Variants in RPS6KC1 observed in about 807,000 individuals in gnomAD.
The protein encoded by RPS6KC1 is ribosomal protein S6 kinase C1.
Under a neutral mutation model 103.8 loss-of-function variants are expected in RPS6KC1, and 54 were observed. That is an observed-to-expected ratio of 0.52 (90% CI 0.42 to 0.65). The LOEUF is 0.65. RPS6KC1 is among the 30% of genes least tolerant of loss of function. The pLI is 0.00. For synonymous variants in RPS6KC1, 439 were observed against 438.7 expected (o/e 1.00, Z -0.01); for missense variants, 1,151 against 1,253.8 (o/e 0.92, Z 1.24).
the RPS6KC1 span, among the ~76,000 whole-genome samples, chr1:213,511,474 T>C: frequency 1.3e-5 from 2 of 152,314 alleles, no homozygotes. Flanking sequence ...TAAGTATCAC[T>C]TTGGAGTTCC....
At chr1:213,545,234 G>T in the RPS6KC1 span, among the ~76,000 whole-genome samples, 1 of 151,970 alleles carries the variant, frequency 6.6e-6, no homozygotes, top group Admixed American at 6.6e-5. Context: ...AACTGGGTGT[G>T]GTGATGGGCC....
At chr1:213,737,892 C>T in the RPS6KC1 span, among the ~76,000 whole-genome samples, 6 of 152,216 alleles carry the variant, frequency 3.9e-5, no homozygotes, top group African/African-American at 1.4e-4. Context: ...ATAAATAGGT[C>T]TCACATCTTG....
chr1:213,350,469 A>G, the RPS6KC1 span, among the ~76,000 whole-genome samples: 1 of 152,168 alleles, frequency 6.6e-6, no homozygotes, highest in South Asian at 2.1e-4. Context: ...TAGCATGTGC[A>G]TGACAGGTGG....
chr1:213,694,848 C>T, the RPS6KC1 span, among the ~76,000 whole-genome samples: 1 of 152,154 alleles, frequency 6.6e-6, no homozygotes, highest in Non-Finnish European at 1.5e-5. Context: ...ATTTGTTGAA[C>T]ATCTACTGCA....
At chr1:213,690,294 A>G in the RPS6KC1 span, among the ~76,000 whole-genome samples, 3 of 152,216 alleles carry the variant, frequency 2.0e-5, no homozygotes, top group African/African-American at 4.8e-5. Context: ...CTGCTGACCA[A>G]CTGACACTCT....
the RPS6KC1 span, among the ~76,000 whole-genome samples, chr1:213,415,068 C>T: frequency 2.6e-5 from 4 of 152,180 alleles, no homozygotes; most frequent in Non-Finnish European, 4.4e-5. Context: ...GCTTAATCAG[C>T]GAGTCATCCA....
chr1:213,215,197 C>T (rs909994901), intron 8 of RPS6KC1, among the ~76,000 whole-genome samples: 19 of 152,172 alleles, frequency 1.2e-4, no homozygotes, highest in Admixed American at 2.0e-4. Context: ...CCTGATGGAG[C>T]TGAAAACCAT....
chr1:213,780,412 T>C, the RPS6KC1 span, among the ~76,000 whole-genome samples: 2 of 152,150 alleles, frequency 1.3e-5, no homozygotes, highest in African/African-American at 2.4e-5. Flanking sequence ...TCTTCATCTA[T>C]AGGAGCTCTG....
At chr1:213,808,237 C>T in the RPS6KC1 span, among the ~76,000 whole-genome samples, 1 of 152,168 alleles carries the variant, frequency 6.6e-6, no homozygotes, top group African/African-American at 2.4e-5. Context: ...GGTCAGGGAC[C>T]CACTTGAGGA....
the RPS6KC1 span, among the ~76,000 whole-genome samples, chr1:213,659,527 G>A: frequency 2.0e-5 from 3 of 152,034 alleles, no homozygotes; most frequent in Admixed American, 6.5e-5. Context: ...TCATCATCAC[G>A]TACAACTAAG....
the RPS6KC1 span, among the ~76,000 whole-genome samples, chr1:213,470,014 C>G: frequency 5.3e-5 from 8 of 152,294 alleles, no homozygotes; most frequent in African/African-American, 1.9e-4. Flanking sequence ...TGGGTGACAA[C>G]CTGGGTGACA....
chr1:213,503,951 A>G, the RPS6KC1 span, among the ~76,000 whole-genome samples: 2 of 152,230 alleles, frequency 1.3e-5, no homozygotes, highest in African/African-American at 4.8e-5. Flanking sequence ...GGATATTTAC[A>G]TAGCATTGTT....
chr1:213,193,778 A>G (rs903454681), intron 8 of RPS6KC1, among the ~76,000 whole-genome samples: 2 of 151,938 alleles, frequency 1.3e-5, no homozygotes, highest in African/African-American at 4.8e-5. Flanking sequence ...ATAGGTGCGC[A>G]ATACCATGCC....
the RPS6KC1 span, among the ~76,000 whole-genome samples, chr1:213,850,410 C>G: frequency 1.3e-5 from 2 of 152,182 alleles, no homozygotes; most frequent in Non-Finnish European, 2.9e-5. Context: ...ATGTTTTTAA[C>G]TGGACACTGG....
At chr1:213,096,065 T>C in intron 3 of RPS6KC1, among the ~76,000 whole-genome samples, 1 of 152,228 alleles carries the variant, frequency 6.6e-6, no homozygotes. Context: ...TCTTTCAGAA[T>C]TGGAGTCAGT....
At chr1:213,604,163 T>G in the RPS6KC1 span, among the ~76,000 whole-genome samples, 1 of 152,258 alleles carries the variant, frequency 6.6e-6, no homozygotes, top group East Asian at 1.9e-4. Flanking sequence ...AATATTTGGT[T>G]ATATATCCTT....
chr1:213,127,049 C>CAT lies in RPS6KC1; in HGVS notation c.473-2477_473-2476insTA, dbSNP rs200528732. Among the ~76,000 whole-genome samples, 1,066 of 152,222 alleles carry CAT rather than the reference C, an allele frequency of 7.0e-3. 13 individuals are homozygous for CAT. Among genetic ancestry groups the CAT allele is most frequent in the African/African-American group, 0.024 (1,010 of 41,554 alleles). On this transcript the variant is annotated intron_variant, in intron 5 of 14. Transcript: ENST00000366960. The stretch of plus-strand genomic sequence containing the variant: ...AATGTTCAGTGGTGAATGCAGATCT[C>CAT]AGTTATTTCCAAACTAGTTTTTATA...
chr1:213,608,748 T>C, the RPS6KC1 span, among the ~76,000 whole-genome samples: 1 of 152,236 alleles, frequency 6.6e-6, no homozygotes, highest in Non-Finnish European at 1.5e-5. Context: ...TGTATTATAT[T>C]TTTATAGAAT....
the RPS6KC1 span, among the ~76,000 whole-genome samples, chr1:213,413,785 A>G: frequency 6.6e-6 from 1 of 152,212 alleles, no homozygotes; most frequent in African/African-American, 2.4e-5. Context: ...TCAGTGGAAA[A>G]GACCACACAG....
Sources: allele counts gnomAD v4.1 joint callset (sites outside exome capture counted in the v4.1 genomes callset), GRCh38; gene constraint gnomAD v4.1.1; transcripts MANE v1.5; gene names NCBI Gene and HGNC (gene_info 2026-07-23, HGNC 2026-07-21).